The following HRH1 variants were observed in gnomAD, a reference collection of about 807,000 sequenced individuals.
The protein encoded by HRH1 is histamine receptor H1, also known as histamine H1 receptor.
In HRH1, 6 loss-of-function variants were observed where a neutral mutation model predicts 10.3. The ratio of observed to expected loss-of-function variants is 0.58; its 90% CI spans 0.32 to 1.15. The LOEUF (loss-of-function observed/expected upper bound fraction) is 1.15, where lower values mean the gene tolerates loss of function less well. Ranked by LOEUF, HRH1 falls within the 50% of genes most tolerant of loss-of-function variation. The pLI is 0.05. For synonymous variants in HRH1, 242 were observed against 236.7 expected, an observed-to-expected ratio of 1.02 and a Z score of -0.21; for missense variants, 514 against 615.3, an observed-to-expected ratio of 0.84 and a Z score of 1.74.
rs537393218 is a variant in HRH1, at chr3:11,205,902, C to T, written c.-36+51348C>T. Reference sequence around the variant, plus strand: ...GTCTTGAACTCCTGACCTCGTGATCCGCCCGCCGCGGCCTCCCAAAGTGCT... The same window carrying T: ...GTCTTGAACTCCTGACCTCGTGATCTGCCCGCCGCGGCCTCCCAAAGTGCT... On this transcript the variant is annotated intron_variant, in intron 1 of 1. Coordinates refer to ENST00000431010, the MANE Select transcript of HRH1 (RefSeq NM_001098212.2). Among the ~76,000 whole-genome samples the T allele has an allele frequency of 1.9e-3, 283 of 152,022 alleles. 2 individuals are homozygous for T. The highest frequency in any genetic ancestry group is 2.9e-4 in the Non-Finnish European group (20 of 67,982).
At chr3:11,215,704 G>A (rs1249666248) in intron 1 of HRH1, among the ~76,000 whole-genome samples, 1 of 152,232 alleles carries the variant, frequency 6.6e-6, no homozygotes, top group Non-Finnish European at 1.5e-5. Context: ...GCCTCTCAGA[G>A]TGCTGGGATT....
intron 1 of HRH1, among the ~76,000 whole-genome samples, chr3:11,223,338 A>T (rs1177438746): frequency 3.0e-5 from 1 of 33,300 alleles, no homozygotes; most frequent in Non-Finnish European, 4.3e-5. Flanking sequence ...CTAAAAATAC[A>T]AAAAAAAAAA....
At chr3:11,228,784 C>T (rs1938963238) in intron 1 of HRH1, among the ~76,000 whole-genome samples, 2 of 151,804 alleles carry the variant, frequency 1.3e-5, no homozygotes, top group African/African-American at 2.4e-5. Context: ...CGTGGTGGTG[C>T]GTGCCTGTTG....
chr3:11,243,748 C>G (rs1284045352), intron 1 of HRH1, among the ~76,000 whole-genome samples: 1 of 152,172 alleles, frequency 6.6e-6, no homozygotes, highest in African/African-American at 2.4e-5. Flanking sequence ...CCTTCAAAGC[C>G]TGGCTTGCAT....
At chr3:11,210,830 T>C (rs1254683056) in intron 1 of HRH1, among the ~76,000 whole-genome samples, 7 of 152,128 alleles carry the variant, frequency 4.6e-5, no homozygotes, top group Non-Finnish European at 4.4e-5. Flanking sequence ...TTGTTATTTT[T>C]TGTGTATCTG....
Position 11,138,243 on chromosome 3 carries a change from C to CGA in HRH1, c.-36+845_-36+846dup, listed in dbSNP as rs1340258330. ...TTCACCGTGTTAGCCAGGATGGTCTCGATCTCCTGACCTTGTGATCTGCCC... is the reference window on the plus strand; with the variant it reads ...TTCACCGTGTTAGCCAGGATGGTCTCGAGATCTCCTGACCTTGTGATCTGCCC... On this transcript the variant is annotated intron_variant, in intron 1 of 1. Transcript: ENST00000438284. Among the ~76,000 whole-genome samples, 3 of 147,082 alleles carry CGA rather than the reference C, an allele frequency of 2.0e-5. No homozygotes were observed. The East Asian group carries it at 6.0e-4, about 30-fold the overall frequency.
intron 1 of HRH1, among the ~76,000 whole-genome samples, chr3:11,244,101 G>A (rs1247778606): frequency 3.3e-5 from 5 of 152,192 alleles, no homozygotes; most frequent in African/African-American, 1.2e-4. Flanking sequence ...GATCATCAGG[G>A]ACCTCAAGTC....
At chr3:11,226,692 C>T (rs921610894) in intron 1 of HRH1, among the ~76,000 whole-genome samples, 46 of 151,910 alleles carry the variant, frequency 3.0e-4, no homozygotes, top group African/African-American at 1.1e-3. Flanking sequence ...TGGAGACCAG[C>T]CTGGCCAACA....
At chr3:11,140,464 T>G (rs572900713) in intron 1 of HRH1, among the ~76,000 whole-genome samples, 15 of 152,194 alleles carry the variant, frequency 9.9e-5, no homozygotes, top group Non-Finnish European at 2.2e-4. Context: ...TTCTCATTCT[T>G]TCCACTCCAG....
At chr3:11,245,652 T>C (rs1939460669) in intron 1 of HRH1, among the ~76,000 whole-genome samples, 1 of 152,226 alleles carries the variant, frequency 6.6e-6, no homozygotes, top group South Asian at 2.1e-4. Flanking sequence ...GTAATCACTC[T>C]AGTAAAAGCC....
chr3:11,184,972 G>A (rs2125018796), intron 1 of HRH1, among the ~76,000 whole-genome samples: 1 of 151,820 alleles, frequency 6.6e-6, no homozygotes, highest in Non-Finnish European at 1.5e-5. Context: ...GTGGACATGG[G>A]GTTTAGCCAT....
At chr3:11,223,184 A>T in intron 1 of HRH1, among the ~76,000 whole-genome samples, 1 of 27,410 alleles carries the variant, frequency 3.6e-5, no homozygotes, top group Non-Finnish European at 6.4e-5. Context: ...ACTTCGTCTC[A>T]AAAAAAAAAA....
In HRH1 at chr3:11,260,159, C is replaced by A; in HGVS notation, c.1122C>A (p.Gly374=). The change falls in exon 2 of 2, where the codon GGC becomes GGA. Residue 374 remains glycine (G), a synonymous_variant. Coordinates refer to ENST00000431010, the MANE Select transcript of HRH1 (RefSeq NM_001098212.2). ...CCACAGAGACAGCACCAGGCAAAGG[C>A]AAATTGAGGAGTGGGTCTAACACAG... ...DTTTETAPGK[G]KLRSGSNTGL... is the part of the protein sequence containing the mutation. The A allele has an allele frequency of 6.2e-7, 1 of 1,614,022 alleles. No individual in the cohort carries two copies. Among genetic ancestry groups the A allele is most frequent in the Non-Finnish European group, 8.5e-7 (1 of 1,180,018 alleles).
chr3:11,223,054 G>A (rs575971931), intron 1 of HRH1, among the ~76,000 whole-genome samples: 90 of 151,758 alleles, frequency 5.9e-4, no homozygotes, highest in Admixed American at 9.8e-4. Context: ...GCATGGTGGC[G>A]CGTGCCTGTA....
At chr3:11,182,524 A>T (rs1201643072) in intron 1 of HRH1, among the ~76,000 whole-genome samples, 1 of 152,194 alleles carries the variant, frequency 6.6e-6, no homozygotes, top group African/African-American at 2.4e-5. Flanking sequence ...CATTTCATGG[A>T]TGAAGGAACT....
At chr3:11,233,750 A>G (rs1235739497) in intron 1 of HRH1, among the ~76,000 whole-genome samples, 2 of 152,096 alleles carry the variant, frequency 1.3e-5, no homozygotes, top group East Asian at 3.8e-4. Flanking sequence ...CCCTTCACAT[A>G]CTCGAGGTCA....
At chr3:11,208,803 T>C (rs1938225439) in intron 1 of HRH1, among the ~76,000 whole-genome samples, 1 of 152,252 alleles carries the variant, frequency 6.6e-6, no homozygotes, top group African/African-American at 2.4e-5. Context: ...GCTGTTTATA[T>C]TGTGTCCCAC....
intron 1 of HRH1, among the ~76,000 whole-genome samples, chr3:11,175,487 T>A (rs1341392239): frequency 6.6e-6 from 1 of 152,162 alleles, no homozygotes; most frequent in South Asian, 2.1e-4. Context: ...ACAAATAGTT[T>A]GCAAAGCCCT....
chr3:11,200,065 AAG>A (rs1488476969), intron 1 of HRH1, among the ~76,000 whole-genome samples: 2 of 152,136 alleles, frequency 1.3e-5, no homozygotes, highest in Non-Finnish European at 2.9e-5. Flanking sequence ...GATCTTAAGA[AAG>A]AGATGCAGAG....
Sources: allele counts gnomAD v4.1 joint callset (sites outside exome capture counted in the v4.1 genomes callset), GRCh38; gene constraint gnomAD v4.1.1; transcripts MANE v1.5; gene names NCBI Gene and HGNC (gene_info 2026-07-23, HGNC 2026-07-21).